Variants in RBFOX1 observed in about 807,000 individuals in gnomAD.
RBFOX1 encodes RNA binding fox-1 homolog 1, also known as RNA binding protein fox-1 homolog 1.
RBFOX1 carries 8 observed loss-of-function variants against 57.7 expected under a neutral mutation model. The ratio of observed to expected loss-of-function variants is 0.14; its 90% CI spans 0.08 to 0.25. RBFOX1 has a LOEUF of 0.25. Ranked by LOEUF, RBFOX1 falls within the 10% of genes least tolerant of loss-of-function variation. RBFOX1 has a pLI of 1.00. For missense variants in RBFOX1, 611 were observed against 548.5 expected, an observed-to-expected ratio of 1.11 and a Z score of -1.14; for synonymous variants, 326 against 222.4, an observed-to-expected ratio of 1.47 and a Z score of -4.15.
intron 2 of RBFOX1, among the ~76,000 whole-genome samples, chr16:6,509,543 T>G (rs1440860873): frequency 6.6e-6 from 1 of 152,020 alleles, no homozygotes; most frequent in Non-Finnish European, 1.5e-5. Context: ...CCAGGAAGGA[T>G]AGTGTGGAAG....
intron 4 of RBFOX1, among the ~76,000 whole-genome samples, chr16:7,057,513 G>A (rs961315111): frequency 4.6e-5 from 7 of 152,088 alleles, no homozygotes; most frequent in African/African-American, 1.2e-4. Context: ...GCTTTCCACC[G>A]GTATAGGGAC....
chr16:6,531,443 T>C (rs1210045312), intron 2 of RBFOX1, among the ~76,000 whole-genome samples: 1 of 152,202 alleles, frequency 6.6e-6, no homozygotes, highest in African/African-American at 2.4e-5. Flanking sequence ...TCCTAAGACC[T>C]ATGGATGTCC....
At chr16:5,935,106 T>G (rs7200507) in intron 4 of RBFOX1, among the ~76,000 whole-genome samples, 1 of 152,054 alleles carries the variant, frequency 6.6e-6, no homozygotes, top group Non-Finnish European at 1.5e-5. Context: ...TACTGAAGCT[T>G]TGCAAACCTC....
intron 4 of RBFOX1, among the ~76,000 whole-genome samples, chr16:7,330,377 C>G (rs1251055415): frequency 7.1e-6 from 1 of 140,174 alleles, no homozygotes; most frequent in African/African-American, 2.7e-5. Flanking sequence ...ATGTTCAGTG[C>G]AGGTGCAGAG....
chr16:7,306,574 G>GGT (rs758704967), intron 4 of RBFOX1, among the ~76,000 whole-genome samples: 6 of 62,792 alleles, frequency 9.6e-5, no homozygotes, highest in African/African-American at 2.8e-4. Flanking sequence ...ATGTGGGAAT[G>GGT]GTGTGCGTGT....
intron 2 of RBFOX1, among the ~76,000 whole-genome samples, chr16:6,522,792 C>T (rs981471827): frequency 3.3e-5 from 5 of 152,200 alleles, no homozygotes; most frequent in Admixed American, 3.3e-4. Flanking sequence ...ACTGATAATG[C>T]AACCCAAACC....
At chr16:6,696,721 C>T (rs750600794) in intron 3 of RBFOX1, among the ~76,000 whole-genome samples, 2 of 151,772 alleles carry the variant, frequency 1.3e-5, no homozygotes, top group Non-Finnish European at 2.9e-5. Flanking sequence ...ACTTCCTTGG[C>T]TTGTTTAACT....
At chr16:6,435,634 G>T (rs147260379) in intron 2 of RBFOX1, among the ~76,000 whole-genome samples, 6 of 152,208 alleles carry the variant, frequency 3.9e-5, no homozygotes, top group African/African-American at 9.6e-5. Context: ...TCTACCCCCA[G>T]CAAGATTTAT....
intron 1 of RBFOX1, among the ~76,000 whole-genome samples, chr16:6,154,348 G>A (rs528813109): frequency 6.6e-6 from 1 of 152,328 alleles, no homozygotes; most frequent in African/African-American, 2.4e-5. Context: ...GCAAGGTTAT[G>A]AATAAGTATT....
intron 3 of RBFOX1, among the ~76,000 whole-genome samples, chr16:6,842,261 C>G (rs939461025): frequency 6.6e-6 from 1 of 151,976 alleles, no homozygotes; most frequent in Admixed American, 6.6e-5. Context: ...CATTCTGTGG[C>G]ATATATTTTT....
At chr16:6,426,085 C>CT in intron 2 of RBFOX1, among the ~76,000 whole-genome samples, 1 of 141,554 alleles carries the variant, frequency 7.1e-6, no homozygotes, top group East Asian at 2.0e-4. Context: ...TCATTTTCTC[C>CT]CTCTCTCTCT....
intron 3 of RBFOX1, among the ~76,000 whole-genome samples, chr16:7,039,995 G>C (rs867430298): frequency 1.4e-5 from 2 of 140,016 alleles, no homozygotes; most frequent in Non-Finnish European, 3.1e-5. Context: ...GTGCTATGGG[G>C]AGTTATTTTA....
intron 4 of RBFOX1, among the ~76,000 whole-genome samples, chr16:5,988,139 C>T (rs954831067): frequency 1.3e-5 from 2 of 152,172 alleles, no homozygotes; most frequent in African/African-American, 4.8e-5. Flanking sequence ...TGGGACTTCT[C>T]TTTGGGCTGT....
chr16:6,535,831 C>G (rs961359285), intron 2 of RBFOX1, among the ~76,000 whole-genome samples: 3 of 152,148 alleles, frequency 2.0e-5, no homozygotes, highest in Non-Finnish European at 4.4e-5. Context: ...CAGTTTCTCC[C>G]TCTCTGTTCT....
At chr16:5,892,476 G>A (rs1353866176) in intron 4 of RBFOX1, among the ~76,000 whole-genome samples, 2 of 152,168 alleles carry the variant, frequency 1.3e-5, no homozygotes, top group African/African-American at 2.4e-5. Flanking sequence ...GTGAGTTACT[G>A]CTTATAAAGT....
chr16:6,904,535 A>T (rs2069287688), intron 3 of RBFOX1, among the ~76,000 whole-genome samples: 1 of 137,416 alleles, frequency 7.3e-6, no homozygotes. Context: ...CAGGAGGCAG[A>T]TGTTGCAGTG....
rs527442939 is a variant in RBFOX1, at chr16:5,264,761, T to C, written c.219+24656T>C. On this transcript the variant is annotated intron_variant, in intron 1 of 2. Transcript: ENST00000585867. ...ACTTCTAGCTAGGAGCTTTTAATTCTTAGTACAGGGCTCTCTAGCATTCTT... is the reference window on the plus strand; with the variant it reads ...ACTTCTAGCTAGGAGCTTTTAATTCCTAGTACAGGGCTCTCTAGCATTCTT... Among the ~76,000 whole-genome samples, 304 of 152,224 alleles carry C rather than the reference T, an allele frequency of 2.0e-3. 3 individuals are homozygous for C. The highest frequency in any genetic ancestry group is 0.018 in the Admixed American group (272 of 15,296).
intron 3 of RBFOX1, among the ~76,000 whole-genome samples, chr16:6,944,715 A>T (rs753504752): frequency 6.6e-6 from 1 of 152,164 alleles, no homozygotes; most frequent in African/African-American, 2.4e-5. Context: ...TTCCTGGGCA[A>T]CCTTTCTGCC....
intron 4 of RBFOX1, among the ~76,000 whole-genome samples, chr16:5,980,441 A>T (rs748727892): frequency 6.6e-6 from 1 of 152,160 alleles, no homozygotes; most frequent in African/African-American, 2.4e-5. Context: ...AGGATCCTGC[A>T]GGAGGCCGAA....
Sources: gnomAD v4.1 joint callset for allele counts (sites outside exome capture counted in the v4.1 genomes callset) on GRCh38, gnomAD v4.1.1 for gene constraint, MANE v1.5 for transcripts, NCBI Gene and HGNC (gene_info 2026-07-23, HGNC 2026-07-21) for gene names.